The following OAT variants were observed in gnomAD, a reference collection of about 807,000 sequenced individuals.
OAT encodes ornithine aminotransferase, mitochondrial.
In OAT, 35 loss-of-function variants were observed where a neutral mutation model predicts 48.4. The ratio of observed to expected loss-of-function variants is 0.72; its 90% confidence interval spans 0.55 to 0.96. The LOEUF (loss-of-function observed/expected upper bound fraction) is 0.96, where lower values mean the gene tolerates loss of function less well. Ranked by LOEUF, OAT falls within the 40% of genes least tolerant of loss-of-function variation. The pLI is 0.00. For synonymous variants in OAT, 182 were observed against 198.4 expected (o/e 0.92, Z 0.70); for missense variants, 438 against 537.9 (o/e 0.81, Z 1.84).
Position 124,397,980 on chromosome 10 carries a change from A to T in OAT, c.1282T>A (p.Ser428Thr). ...ATGGTCTTGTTAATAATTTCAATGG[A>T]CTCTCGAAGCTCATCCTCCTTGATC... ...LVIKEDELRE[S>T]IEIINKTILS... The change falls in exon 10 of 10, where the codon TCC becomes ACC. Residue 428 changes from serine (S) to threonine (T), a missense_variant. Transcript: ENST00000368845. The T allele has an allele frequency of 6.2e-7, 1 of 1,613,854 alleles. No individual in the cohort carries two copies. The highest frequency in any genetic ancestry group is 8.5e-7 in the Non-Finnish European group (1 of 1,179,866).
chr10:124,403,536 G>A (rs1057382684), intron 6 of OAT, among the ~76,000 whole-genome samples: 1 of 152,198 alleles, frequency 6.6e-6, no homozygotes, highest in Non-Finnish European at 1.5e-5. Context: ...GGAAGGAAAC[G>A]CTGTTAAGAC....
At chr10:124,402,748 G>A (rs1269230982) in intron 7 of OAT, among the ~76,000 whole-genome samples, 179 bp downstream of exon 7, 1 of 152,210 alleles carries the variant, frequency 6.6e-6, no homozygotes, top group African/African-American at 2.4e-5. Flanking sequence ...CAATAAGTAA[G>A]TGGGTCACAC....
rs2134476827 is a variant in OAT at position 124,408,543 on chromosome 10, T to C, written c.519A>G (p.Ala173=). The stretch of plus-strand genomic sequence containing the variant: ...AAGTTAATATTTAATTTCACATACC[T>C]GCAAAAACAATCTTTGCTTTGTATT... ...IQKYKAKIVF[A]AGNFWGRTLS... Residue 173 remains alanine (A), a splice_region_variant and synonymous_variant, in exon 4 of 10, where the codon GCA becomes GCG. Coordinates refer to ENST00000368845, the MANE Select transcript of OAT (RefSeq NM_000274.4). 24 of 1,608,062 alleles carry C rather than the reference T, an allele frequency of 1.5e-5. No homozygotes were observed. Among genetic ancestry groups the C allele is most frequent in the Non-Finnish European group, 2.0e-5 (24 of 1,176,552 alleles).
intron 2 of OAT, among the ~76,000 whole-genome samples, chr10:124,409,578 T>C (rs907803196): frequency 5.9e-5 from 9 of 151,474 alleles, no homozygotes; most frequent in Non-Finnish European, 7.4e-5. Flanking sequence ...ATAAATAAAA[T>C]TTAAAAATAA....
rs754082258 is a variant in OAT, at chr10:124,402,907, AG to A, written c.900+19del. The A allele has an allele frequency of 6.2e-7, 1 of 1,612,934 alleles. No homozygotes were observed. The highest frequency in any genetic ancestry group is 8.5e-7 in the Non-Finnish European group (1 of 1,179,692). Reference sequence around the variant, plus strand: ...TTTTACAAGAGTAGGAAATGGAAAGAGGGGGAACATGAAACTTACAGGGTAT... The same window carrying A: ...TTTTACAAGAGTAGGAAATGGAAAGAGGGGAACATGAAACTTACAGGGTAT... On this transcript the variant is annotated intron_variant, in intron 7 of 9. Transcript: ENST00000368845.
chr10:124,403,446 T>C (rs1951474668), intron 6 of OAT: 1 of 413,628 alleles, frequency 2.4e-6, no homozygotes, highest in South Asian at 2.2e-5. Flanking sequence ...AATATACTAC[T>C]ATTAGCCCTG....
At chr10:124,415,658 G>C (rs200179734) in intron 1 of OAT, among the ~76,000 whole-genome samples, 1 of 152,170 alleles carries the variant, frequency 6.6e-6, no homozygotes, top group Non-Finnish European at 1.5e-5. Flanking sequence ...TTTCAAAACC[G>C]GGAGAATCAA....
chr10:124,406,353 T>G (rs982295861), intron 4 of OAT, among the ~76,000 whole-genome samples: 18 of 151,650 alleles, frequency 1.2e-4, no homozygotes, highest in Non-Finnish European at 4.4e-5. Context: ...TAGCCAGGCA[T>G]GGTAGTGCAC....
At chr10:124,409,334 G>A (rs544592017) in intron 2 of OAT, among the ~76,000 whole-genome samples, 2 of 152,334 alleles carry the variant, frequency 1.3e-5, no homozygotes, top group South Asian at 4.1e-4. Flanking sequence ...GGAGACCAAG[G>A]CAGGGATTGC....
intron 1 of OAT, among the ~76,000 whole-genome samples, chr10:124,416,577 GAAGGTTTTATCCACGT>G (rs1197948021): frequency 6.6e-6 from 1 of 152,136 alleles, no homozygotes; most frequent in Non-Finnish European, 1.5e-5. Flanking sequence ...TTCTAACACT[GAAGGTTTTATCCACGT>G]AATTAACAGG....
intron 2 of OAT, among the ~76,000 whole-genome samples, chr10:124,410,242 T>A (rs1016984860): frequency 6.6e-6 from 1 of 152,232 alleles, no homozygotes; most frequent in Admixed American, 6.5e-5. Flanking sequence ...GCTGAAATTG[T>A]GAGTAAAAGT....
chr10:124,405,640 A>C (rs574594250), intron 4 of OAT, 77 bp from the exon 5 acceptor site: 3 of 1,587,460 alleles, frequency 1.9e-6, no homozygotes, highest in East Asian at 2.4e-5. Context: ...AAAACACCAC[A>C]AGAAGTTTGA....
chr10:124,411,605 C>T (rs1951753346), intron 2 of OAT, among the ~76,000 whole-genome samples: 2 of 152,208 alleles, frequency 1.3e-5, no homozygotes, highest in Admixed American at 1.3e-4. Context: ...ATCACAAAGT[C>T]AGGAGTCTGA....
chr10:124,408,685 C>A, intron 3 of OAT, 48 bp from the exon 4 acceptor site: 1 of 1,581,996 alleles, frequency 6.3e-7, no homozygotes, highest in South Asian at 1.1e-5. Flanking sequence ...GTTAAACTAT[C>A]AAAAAATAAA....
intron 7 of OAT, 87 bp from the exon 8 acceptor site, chr10:124,401,926 G>T: frequency 1.0e-6 from 1 of 973,470 alleles, no homozygotes; most frequent in Non-Finnish European, 1.6e-6. Context: ...CTGTCACCCA[G>T]GCTTGAGTGC....
intron 4 of OAT, chr10:124,407,005 T>C (rs934573458): frequency 2.0e-6 from 2 of 985,342 alleles, no homozygotes; most frequent in Non-Finnish European, 1.2e-6. Flanking sequence ...GTTTGTGACA[T>C]CATGTTTTTA....
chr10:124,412,295 G>C (rs879196688), intron 1 of OAT, 95 bp from the exon 2 acceptor site: 1 of 932,424 alleles, frequency 1.1e-6, no homozygotes, highest in Admixed American at 2.0e-5. Flanking sequence ...AGGATCACGT[G>C]AGCCCAGGAG....
At chr10:124,404,010 G>C in intron 5 of OAT, 90 bp from the exon 6 acceptor site, 2 of 1,509,346 alleles carry the variant, frequency 1.3e-6, no homozygotes, top group Non-Finnish European at 9.2e-7. Flanking sequence ...TTTACATTAA[G>C]TATGCAAATC....
intron 5 of OAT, 129 bp from the exon 6 acceptor site, chr10:124,404,049 T>G: frequency 9.3e-7 from 1 of 1,071,214 alleles, no homozygotes; most frequent in South Asian, 1.3e-5. Context: ...AAATTCTGAC[T>G]TCAAATTCAC....
Sources: gnomAD v4.1 joint callset for allele counts (sites outside exome capture counted in the v4.1 genomes callset) on GRCh38, gnomAD v4.1.1 for gene constraint, MANE v1.5 for transcripts, NCBI Gene and HGNC (gene_info 2026-07-23, HGNC 2026-07-21) for gene names.